ZNF169: variants seen among roughly 807,000 people sequenced by gnomAD.
ZNF169 encodes the protein zinc finger protein 169.
In ZNF169, 11 loss-of-function variants were observed where a neutral mutation model predicts 12.0. The ratio of observed to expected loss-of-function variants is 0.92; its 90% confidence interval spans 0.58 to 1.52. ZNF169 has a LOEUF of 1.52. Among genes scored for constraint, ZNF169 ranks in the 40% most tolerant of loss-of-function variants. ZNF169 has a pLI of 0.00. For synonymous variants in ZNF169, 302 were observed against 286.5 expected, an observed-to-expected ratio of 1.05 and a Z score of -0.55; for missense variants, 722 against 744.0, an observed-to-expected ratio of 0.97 and a Z score of 0.34.
chr9:94,261,440 G>T (rs748040488), intron 1 of ZNF169, among the ~76,000 whole-genome samples: 36 of 152,192 alleles, frequency 2.4e-4, no homozygotes, highest in Non-Finnish European at 3.8e-4. Context: ...GCCCGGCCAA[G>T]ACCTACTCTT....
chr9:94,290,467 C>G (rs566268231), intron 2 of ZNF169, among the ~76,000 whole-genome samples: 1 of 152,122 alleles, frequency 6.6e-6, no homozygotes, highest in Non-Finnish European at 1.5e-5. Context: ...TTTGCCTATT[C>G]TAGGTACCTT....
At chr9:94,280,227 T>TA (rs1216646184) in intron 2 of ZNF169, among the ~76,000 whole-genome samples, 2 of 152,236 alleles carry the variant, frequency 1.3e-5, no homozygotes, top group East Asian at 1.9e-4. Context: ...CCTTATTTGT[T>TA]ACACCTTTGA....
Position 94,300,676 on chromosome 9 carries a change from C to A in ZNF169, c.1118C>A (p.Pro373His), listed in dbSNP as rs756784177. Residue 373 changes from proline to histidine, a missense_variant, in exon 5 of 5, where the codon CCC (proline) becomes CAC (histidine). Coordinates refer to ENST00000395395, the MANE Select transcript of ZNF169 (RefSeq NM_194320.4). ...CAGAGCTCACACACAGGGGAGAGGC[C>A]CTTCCTGTGCCTTGAGTGTGGGCGT... ...QHQSSHTGER[P>H]FLCLECGRSF... 4 of 1,614,004 alleles carry A rather than the reference C, an allele frequency of 2.5e-6. No individual in the cohort carries two copies. The East Asian group carries it at 8.9e-5, about 36-fold the overall frequency.
intron 1 of ZNF169, among the ~76,000 whole-genome samples, chr9:94,267,571 A>G (rs892301144): frequency 1.3e-5 from 2 of 152,230 alleles, no homozygotes; most frequent in African/African-American, 4.8e-5. Context: ...TCATGGGCAT[A>G]CACTTAATTG....
At chr9:94,270,768 TG>T (rs1433563746) in intron 1 of ZNF169, among the ~76,000 whole-genome samples, 10 of 86,630 alleles carry the variant, frequency 1.2e-4, no homozygotes, top group African/African-American at 4.0e-4. Flanking sequence ...TAAATATATA[TG>T]TTATATATTA....
At chr9:94,262,603 G>A (rs55993768) in intron 1 of ZNF169, among the ~76,000 whole-genome samples, 11,270 of 152,008 alleles carry the variant, frequency 0.074, 565 homozygotes, top group Middle Eastern at 0.12. Context: ...GGCTACAGGC[G>A]TGCGCCACCA....
intron 1 of ZNF169, among the ~76,000 whole-genome samples, chr9:94,260,387 G>A (rs1038355074): frequency 5.3e-5 from 8 of 152,162 alleles, no homozygotes; most frequent in African/African-American, 1.9e-4. Flanking sequence ...TGGATGGCTG[G>A]TGCACTGTGG....
intron 1 of ZNF169, among the ~76,000 whole-genome samples, chr9:94,264,391 C>A (rs1055213046): frequency 6.6e-6 from 1 of 152,180 alleles, no homozygotes. Flanking sequence ...CCTTGGCCCC[C>A]CAAAGTGCTG....
chr9:94,277,695 G>T (rs1301730282), intron 1 of ZNF169, among the ~76,000 whole-genome samples: 1 of 152,060 alleles, frequency 6.6e-6, no homozygotes, highest in Non-Finnish European at 1.5e-5. Flanking sequence ...ACTTTGGGAG[G>T]CCGAGGCGGG....
chr9:94,299,258 T>C (rs1302175047), intron 4 of ZNF169, among the ~76,000 whole-genome samples: 1 of 152,204 alleles, frequency 6.6e-6, no homozygotes, highest in East Asian at 1.9e-4. Context: ...CAGGCTGATA[T>C]GGAAGCTCCC....
chr9:94,300,613 G>A lies in ZNF169; in HGVS notation c.1055G>A (p.Gly352Glu). 2 of 1,614,230 alleles carry A rather than the reference G, an allele frequency of 1.2e-6. No individual in the cohort carries two copies. The highest frequency in any genetic ancestry group is 1.7e-6 in the Non-Finnish European group (2 of 1,180,040). Residue 352 changes from glycine to glutamate, a missense_variant, in exon 5 of 5, where the codon GGG becomes GAG. By Grantham distance (98) the Gly-to-Glu change is moderately conservative. Transcript: ENST00000395395. The part of the protein sequence containing the change: ...EEKPFVCPEC[G>E]RGFCQKASLL... ...AAGCCCTTCGTGTGTCCTGAGTGTG[G>A]GAGAGGCTTTTGCCAGAAGGCATCA...
At chr9:94,281,657 T>G (rs1313942183) in intron 2 of ZNF169, among the ~76,000 whole-genome samples, 1 of 152,166 alleles carries the variant, frequency 6.6e-6, no homozygotes, top group African/African-American at 2.4e-5. Context: ...CAGCTTAGTT[T>G]TATATATTTT....
chr9:94,296,625 T>C (rs987081180), intron 4 of ZNF169, among the ~76,000 whole-genome samples: 3 of 152,186 alleles, frequency 2.0e-5, no homozygotes, highest in Non-Finnish European at 2.9e-5. Flanking sequence ...AACACTACCC[T>C]TTTTTAACTG....
At chr9:94,282,784 G>A (rs550910849) in intron 2 of ZNF169, among the ~76,000 whole-genome samples, 3 of 152,254 alleles carry the variant, frequency 2.0e-5, no homozygotes, top group South Asian at 4.1e-4. Flanking sequence ...GCATCAATTT[G>A]TGTAAGATTC....
intron 1 of ZNF169, among the ~76,000 whole-genome samples, chr9:94,278,533 G>A (rs11795331): frequency 0.37 from 56,863 of 152,126 alleles, 11,053 homozygotes; most frequent in Middle Eastern, 0.45. Context: ...GCTGGAAGAT[G>A]GGGGCTTCAT....
At chr9:94,298,436 T>A (rs947479732) in intron 4 of ZNF169, among the ~76,000 whole-genome samples, 1 of 151,902 alleles carries the variant, frequency 6.6e-6, no homozygotes, top group Non-Finnish European at 1.5e-5. Flanking sequence ...ACCCCAGCAC[T>A]TTGGGAGGCC....
chr9:94,259,535 G>C (rs1830161388), intron 1 of ZNF169, among the ~76,000 whole-genome samples, 190 bp downstream of exon 1: 1 of 152,320 alleles, frequency 6.6e-6, no homozygotes, highest in Middle Eastern at 3.4e-3. Flanking sequence ...AGGTCTTGGC[G>C]GAGGTCCTCT....
At chr9:94,289,660 G>A (rs902272326) in intron 2 of ZNF169, among the ~76,000 whole-genome samples, 2 of 152,038 alleles carry the variant, frequency 1.3e-5, no homozygotes, top group Non-Finnish European at 2.9e-5. Context: ...CTTGGTGGCA[G>A]GAGCCTGCAA....
At chr9:94,283,616 C>T (rs910110405) in intron 2 of ZNF169, among the ~76,000 whole-genome samples, 10 of 152,154 alleles carry the variant, frequency 6.6e-5, no homozygotes, top group Non-Finnish European at 1.5e-4. Flanking sequence ...ATTAAGTTGC[C>T]TGCCTCCCAC....
Sources: gnomAD v4.1 joint callset for allele counts (sites outside exome capture counted in the v4.1 genomes callset) on GRCh38, gnomAD v4.1.1 for gene constraint, MANE v1.5 for transcripts, NCBI Gene and HGNC (gene_info 2026-07-23, HGNC 2026-07-21) for gene names.